Variants in SPIDR observed in about 807,000 individuals in gnomAD.
SPIDR encodes scaffold protein involved in DNA repair, also known as DNA repair-scaffolding protein.
Under a neutral mutation model 104.6 loss-of-function variants are expected in SPIDR, and 93 were observed. The ratio of observed to expected loss-of-function variants is 0.89; its 90% confidence interval spans 0.75 to 1.06. SPIDR has a LOEUF of 1.06. Ranked by LOEUF, SPIDR falls within the 50% of genes least tolerant of loss-of-function variation. SPIDR has a pLI of 0.00. For synonymous variants in SPIDR, 431 were observed against 416.9 expected (o/e 1.03, Z -0.41); for missense variants, 1,154 against 1,111.2 (o/e 1.04, Z -0.55).
chr8:47,627,535 A>G (rs976548728), intron 10 of SPIDR, among the ~76,000 whole-genome samples: 1 of 152,340 alleles, frequency 6.6e-6, no homozygotes, highest in South Asian at 2.1e-4. Context: ...TACGAAAACC[A>G]AAGTACCCTA....
intron 8 of SPIDR, among the ~76,000 whole-genome samples, chr8:47,498,540 C>G (rs566163999): frequency 5.9e-5 from 9 of 152,118 alleles, no homozygotes; most frequent in Non-Finnish European, 7.3e-5. Flanking sequence ...CCCAGATAGT[C>G]TCTAGGAAGA....
chr8:47,540,887 TCTCA>T (rs748317157), intron 8 of SPIDR, among the ~76,000 whole-genome samples: 3 of 152,228 alleles, frequency 2.0e-5, no homozygotes, highest in African/African-American at 7.2e-5. Flanking sequence ...GTTTTGAGCG[TCTCA>T]CTCTGTTGCC....
chr8:47,567,711 G>A (rs1054766818), intron 8 of SPIDR, among the ~76,000 whole-genome samples: 20 of 151,022 alleles, frequency 1.3e-4, no homozygotes, highest in South Asian at 8.4e-4. Flanking sequence ...TTAACAGACC[G>A]TATGTGTGAC....
chr8:47,548,951 G>A (rs1275643546), intron 8 of SPIDR, among the ~76,000 whole-genome samples: 3 of 152,136 alleles, frequency 2.0e-5, no homozygotes, highest in Non-Finnish European at 4.4e-5. Context: ...CCCAGTGTGT[G>A]ATGTTCCCCA....
intron 8 of SPIDR, among the ~76,000 whole-genome samples, chr8:47,505,357 C>T (rs539172897): frequency 3.5e-4 from 53 of 152,330 alleles, no homozygotes; most frequent in Admixed American, 2.7e-3. Context: ...CCCCAAGCCT[C>T]GCTGCCGCCT....
intron 8 of SPIDR, among the ~76,000 whole-genome samples, chr8:47,522,172 CAAAAAAA>C (rs781613495): frequency 4.6e-5 from 3 of 65,630 alleles, no homozygotes; most frequent in Non-Finnish European, 9.1e-5. Context: ...GAGTCTGTCT[CAAAAAAA>C]AAAAAAAAAG....
intron 5 of SPIDR, chr8:47,330,986 G>T (rs1554604128): frequency 6.1e-6 from 2 of 329,202 alleles, no homozygotes; most frequent in Admixed American, 3.7e-5. Flanking sequence ...AAGAGTTCCT[G>T]TTGCTCCATA....
chr8:47,712,460 G>T (rs1050049313), intron 14 of SPIDR, among the ~76,000 whole-genome samples: 1 of 152,148 alleles, frequency 6.6e-6, no homozygotes, highest in African/African-American at 2.4e-5. Context: ...TCCCAACCAA[G>T]GAAGCCTTTA....
At chr8:47,386,095 T>A (rs1317714818) in intron 5 of SPIDR, among the ~76,000 whole-genome samples, 3 of 152,024 alleles carry the variant, frequency 2.0e-5, no homozygotes, top group African/African-American at 2.4e-5. Flanking sequence ...TATTCCCAAG[T>A]AAGTTTCTTT....
intron 7 of SPIDR, among the ~76,000 whole-genome samples, chr8:47,429,979 T>C (rs2067065833): frequency 1.3e-5 from 2 of 152,308 alleles, no homozygotes; most frequent in South Asian, 2.1e-4. Flanking sequence ...ATTTCCACTT[T>C]TTAAATTTGG....
At chr8:47,568,585 C>G (rs989889754) in intron 8 of SPIDR, among the ~76,000 whole-genome samples, 14 of 152,196 alleles carry the variant, frequency 9.2e-5, no homozygotes, top group African/African-American at 3.4e-4. Flanking sequence ...CAGCTACCAT[C>G]TTCCACCCTC....
rs1220673746 is a variant in SPIDR, at chr8:47,712,723, T to G, written c.2039T>G (p.Leu680Arg). ...EIWLLVTDVT[L>R]QTKEERDPRL... ...TGGCTGCTAGTGACCGATGTCACTC[T>G]GCAAACGAAGGAGGAGAGAGACCCC... Residue 680 changes from leucine to arginine, a missense_variant, in exon 15 of 20, where the codon CTG becomes CGG. Transcript: ENST00000297423. 1 of 1,614,200 alleles carries G rather than the reference T, an allele frequency of 6.2e-7. No homozygotes were observed. The highest frequency in any genetic ancestry group is 8.5e-7 in the Non-Finnish European group (1 of 1,180,038).
intron 5 of SPIDR, among the ~76,000 whole-genome samples, chr8:47,349,377 A>T (rs531785415): frequency 1.3e-5 from 2 of 152,344 alleles, no homozygotes; most frequent in East Asian, 3.9e-4. Flanking sequence ...ATGAGGTGTC[A>T]GTCAGCCCCT....
chr8:47,426,405 AT>A (rs1304790237), intron 7 of SPIDR, among the ~76,000 whole-genome samples: 3 of 68,038 alleles, frequency 4.4e-5, no homozygotes, highest in Admixed American at 4.1e-4. Context: ...ATTTTGGCTT[AT>A]CTTTTTTTTT....
intron 8 of SPIDR, among the ~76,000 whole-genome samples, chr8:47,584,034 C>A (rs1414516724): frequency 3.3e-5 from 5 of 152,170 alleles, no homozygotes; most frequent in Non-Finnish European, 7.3e-5. Context: ...CCAAATGGAC[C>A]TGGAGATGGA....
chr8:47,298,886 G>T (rs1475248872), intron 5 of SPIDR, among the ~76,000 whole-genome samples: 2 of 152,144 alleles, frequency 1.3e-5, no homozygotes, highest in African/African-American at 4.8e-5. Flanking sequence ...GTCAGGTAGC[G>T]TGATGCCTCC....
intron 5 of SPIDR, among the ~76,000 whole-genome samples, chr8:47,392,755 T>C (rs758511268): frequency 1.3e-4 from 20 of 152,232 alleles, no homozygotes; most frequent in Non-Finnish European, 2.2e-4. Flanking sequence ...ATGTACCTTT[T>C]TATGCCATCC....
chr8:47,649,827 C>T (rs2071276771), intron 10 of SPIDR, among the ~76,000 whole-genome samples: 1 of 152,018 alleles, frequency 6.6e-6, no homozygotes, highest in Non-Finnish European at 1.5e-5. Context: ...AAATATGATA[C>T]ATCACATTAA....
At chr8:47,383,008 C>G (rs1554646370) in intron 5 of SPIDR, among the ~76,000 whole-genome samples, 1 of 152,200 alleles carries the variant, frequency 6.6e-6, no homozygotes, top group Admixed American at 6.5e-5. Context: ...TCCTAGTATA[C>G]AGCCTGTGGG....
Sources: allele counts gnomAD v4.1 joint callset (sites outside exome capture counted in the v4.1 genomes callset), GRCh38; gene constraint gnomAD v4.1.1; transcripts MANE v1.5; gene names NCBI Gene and HGNC (gene_info 2026-07-23, HGNC 2026-07-21).